SYNE1: variants seen among roughly 807,000 people sequenced by gnomAD.
SYNE1 encodes spectrin repeat containing nuclear envelope protein 1.
A neutral mutation model predicts 1,111.0 loss-of-function variants in SYNE1; 616 were observed. That is an observed-to-expected ratio of 0.55 (90% CI 0.52 to 0.59). The LOEUF (loss-of-function observed/expected upper bound fraction) is 0.59, where lower values mean the gene tolerates loss of function less well. Ranked by LOEUF, SYNE1 falls within the 20% of genes least tolerant of loss-of-function variation. The pLI is 0.00. For missense variants in SYNE1, 10,006 were observed against 10,417.0 expected (o/e 0.96, Z 1.72); for synonymous variants, 3,855 against 3,825.8 (o/e 1.01, Z -0.28).
intron 64 of SYNE1, among the ~76,000 whole-genome samples, chr6:152,361,037 T>C (rs2096922474): frequency 6.6e-6 from 1 of 152,186 alleles, no homozygotes; most frequent in South Asian, 2.1e-4. Context: ...GAATCAAGCC[T>C]GAGCGGTGGT....
intron 128 of SYNE1, among the ~76,000 whole-genome samples, chr6:152,189,050 G>T (rs1441678286): frequency 1.1e-5 from 1 of 94,128 alleles, no homozygotes; most frequent in East Asian, 3.3e-4. Context: ...GAAAGAAAAA[G>T]AATCCAGTTT....
intron 3 of SYNE1, among the ~76,000 whole-genome samples, chr6:152,599,277 G>A (rs952850926): frequency 6.6e-6 from 1 of 152,178 alleles, no homozygotes; most frequent in Non-Finnish European, 1.5e-5. Flanking sequence ...TCTAGTAAGT[G>A]CTTGGAATAC....
At position 152,461,583 on chromosome 6, in the gene SYNE1, A is replaced by G; in HGVS notation, c.2394+14T>C. The G allele has an allele frequency of 6.2e-7, 1 of 1,613,946 alleles. No individual in the cohort carries two copies. Among genetic ancestry groups the G allele is most frequent in the Non-Finnish European group, 8.5e-7 (1 of 1,179,880 alleles). ...GTGTCACACAGCCTATTGTGCATTA[A>G]ATTATTTTCGCACCTTGGTTAGCTG... is the stretch of plus-strand genomic sequence containing the variant. On this transcript the variant is annotated intron_variant, in intron 21 of 145. Coordinates refer to ENST00000367255, the MANE Select transcript of SYNE1 (RefSeq NM_182961.4).
chr6:152,327,711 C>T (rs539756779), intron 78 of SYNE1, among the ~76,000 whole-genome samples: 1 of 152,142 alleles, frequency 6.6e-6, no homozygotes, highest in Admixed American at 6.5e-5. Flanking sequence ...CAAGATGGCA[C>T]AAGCAGAGAC....
intron 74 of SYNE1, among the ~76,000 whole-genome samples, chr6:152,340,992 T>A (rs9371589): frequency 5.9e-4 from 89 of 152,020 alleles, no homozygotes; most frequent in Admixed American, 1.8e-3. Flanking sequence ...AGGGATAAAG[T>A]TGACTTCCAG....
chr6:152,304,475 T>G (rs1210057550), intron 91 of SYNE1, among the ~76,000 whole-genome samples: 1 of 152,138 alleles, frequency 6.6e-6, no homozygotes, highest in Non-Finnish European at 1.5e-5. Flanking sequence ...GCTGGAATTA[T>G]AGGCACGCGC....
intron 130 of SYNE1, among the ~76,000 whole-genome samples, chr6:152,173,640 C>T (rs377182123): frequency 6.6e-6 from 1 of 152,168 alleles, no homozygotes; most frequent in Non-Finnish European, 1.5e-5. Context: ...GGAGAAGCTG[C>T]AAGGGTGACT....
intron 47 of SYNE1, 53 bp downstream of exon 47, chr6:152,401,085 A>G: frequency 3.8e-6 from 6 of 1,566,854 alleles, no homozygotes; most frequent in Non-Finnish European, 4.4e-6. Flanking sequence ...ACCACAAAAC[A>G]GAACTACAAT....
At chr6:152,428,768 C>CTATT (rs1483712843) in intron 36 of SYNE1, among the ~76,000 whole-genome samples, 6 of 152,124 alleles carry the variant, frequency 3.9e-5, no homozygotes, top group Non-Finnish European at 8.8e-5. Flanking sequence ...AGAGTTATAT[C>CTATT]TATTTTAAAA....
In SYNE1 at chr6:152,465,974, T is replaced by G; in HGVS notation, c.1729+8A>C. 1 of 1,599,776 alleles carries G rather than the reference T, an allele frequency of 6.3e-7. No individual in the cohort carries two copies. Among genetic ancestry groups the G allele is most frequent in the Non-Finnish European group, 8.6e-7 (1 of 1,167,280 alleles). ...CTACGTTGCAACAAATTCTGTAGTA[T>G]GTTTTACCTGAACCATCTGCTTTGA... On this transcript the variant is annotated splice_region_variant and intron_variant, in intron 17 of 145. Transcript: ENST00000367255.
rs911024426 is a variant in SYNE1, at chr6:152,607,964, A to G, written c.67+20301T>C. On this transcript the variant is annotated intron_variant, in intron 3 of 145. Coordinates refer to ENST00000367255, the MANE Select transcript of SYNE1 (RefSeq NM_182961.4). Reference sequence around the variant, plus strand: ...AACCAAACACTGCCTGTTGTCACTCATAAGTGGGAGCTGAACAATGAAAAC... The same window carrying G: ...AACCAAACACTGCCTGTTGTCACTCGTAAGTGGGAGCTGAACAATGAAAAC... Among the ~76,000 whole-genome samples the G allele has an allele frequency of 4.6e-5, 7 of 152,164 alleles. No homozygotes were observed. In the South Asian group the frequency reaches 1.4e-3, roughly 32 times the overall value.
chr6:152,375,021 A>G (rs1271235330), intron 58 of SYNE1, among the ~76,000 whole-genome samples: 1 of 151,748 alleles, frequency 6.6e-6, no homozygotes, highest in East Asian at 1.9e-4. Flanking sequence ...GCTCACTGCA[A>G]TCTCTGCCTC....
intron 142 of SYNE1, chr6:152,134,682 A>G (rs2152732612): frequency 4.5e-6 from 1 of 221,088 alleles, no homozygotes; most frequent in Non-Finnish European, 9.0e-6. Context: ...CTCTGTCTCA[A>G]AAAACAACGA....
chr6:152,518,217 C>A (rs893508028), intron 6 of SYNE1, among the ~76,000 whole-genome samples: 1 of 149,960 alleles, frequency 6.7e-6, no homozygotes, highest in African/African-American at 2.5e-5. Context: ...TAGTGACATA[C>A]TAGATGTGTA....
chr6:152,520,633 C>G (rs1035373731), intron 5 of SYNE1, 91 bp from the exon 6 acceptor site: 4 of 1,415,790 alleles, frequency 2.8e-6, no homozygotes, highest in Non-Finnish European at 4.0e-6. Flanking sequence ...TAAAAATATA[C>G]TTGAAGAATA....
At chr6:152,217,883 G>A (rs115455521) in intron 121 of SYNE1, among the ~76,000 whole-genome samples, 3,088 of 152,192 alleles carry the variant, frequency 0.02, 106 homozygotes, top group African/African-American at 0.07. Flanking sequence ...GGGCTCACTC[G>A]AAAGAAAGAG....
At chr6:152,324,114 C>T (rs2095972078) in intron 81 of SYNE1, among the ~76,000 whole-genome samples, 1 of 152,094 alleles carries the variant, frequency 6.6e-6, no homozygotes, top group Non-Finnish European at 1.5e-5. Context: ...ATGGAAAAAG[C>T]TGCCAGGCAT....
chr6:152,242,798 G>C (rs1170964693), intron 106 of SYNE1, among the ~76,000 whole-genome samples: 1 of 151,570 alleles, frequency 6.6e-6, no homozygotes, highest in Non-Finnish European at 1.5e-5. Context: ...AAGCACAACG[G>C]AGAAACTGAA....
intron 33 of SYNE1, chr6:152,435,561 C>T (rs1339774033): frequency 2.1e-5 from 5 of 232,662 alleles, no homozygotes; most frequent in Non-Finnish European, 4.2e-5. Context: ...CTGGAATCTA[C>T]ACTAACAAAA....
Sources: gnomAD v4.1 joint callset for allele counts (sites outside exome capture counted in the v4.1 genomes callset) on GRCh38, gnomAD v4.1.1 for gene constraint, MANE v1.5 for transcripts, NCBI Gene and HGNC (gene_info 2026-07-23, HGNC 2026-07-21) for gene names.